PCK1: variants seen among roughly 807,000 people sequenced by gnomAD.
PCK1 encodes the protein phosphoenolpyruvate carboxykinase, cytosolic [GTP].
PCK1 carries 44 observed loss-of-function variants against 50.3 expected under a neutral mutation model. The observed-to-expected ratio is 0.87, with a 90% confidence interval of 0.69 to 1.12. The LOEUF (loss-of-function observed/expected upper bound fraction) is 1.12. Ranked by LOEUF, PCK1 falls within the 50% of genes most tolerant of loss-of-function variation. The probability of loss-of-function intolerance (pLI) is 0.00; values close to 1 mark genes in which losing one functional copy is unlikely to be tolerated. For missense variants in PCK1, 790 were observed against 815.0 expected (o/e 0.97, Z 0.37); for synonymous variants, 332 against 314.3 (o/e 1.06, Z -0.59).
Position 57,565,479 on chromosome 20 carries a change from A to T in PCK1, c.1544A>T (p.Asn515Ile), listed in dbSNP as rs763861186. 1 of 1,614,106 alleles carries T rather than the reference A, an allele frequency of 6.2e-7. No individual in the cohort carries two copies. The highest frequency in any genetic ancestry group is 8.5e-7 in the Non-Finnish European group (1 of 1,180,038). ...AAKLPKIFHV[N>I]WFRKDKEGKF... is the part of the protein sequence containing the mutation. ...AAACTGCCCAAGATCTTCCATGTCA[A>T]CTGGTTCCGGAAGGACAAGGAAGGC... Residue 515 changes from asparagine to isoleucine, a missense_variant, in exon 10 of 10, where the codon AAC (asparagine) becomes ATC (isoleucine). By Grantham distance (149) the Asn-to-Ile change is moderately radical. Transcript: ENST00000319441.
rs879420431 is a variant in PCK1, at chr20:57,565,258, G to A, written c.1415-92G>A. ...AGAGAGAGAGAGAGAAAGAGAGAGA[G>A]GAGAACAAAGCATGCTAATGTCAAC... is the stretch of plus-strand genomic sequence containing the variant. On this transcript the variant is annotated intron_variant, in intron 9 of 9. Transcript: ENST00000319441. 4.3e-5 allele frequency: 56 copies of A among 1,309,508 alleles called. No homozygotes were observed. The African/African-American group carries it at 7.3e-4, about 17-fold the overall frequency. 81.1% of individuals were successfully genotyped at this position (1,309,508 alleles called of 1,614,324 possible).
intron 5 of PCK1, 161 bp downstream of exon 5, chr20:57,563,376 C>T (rs979619714): frequency 3.7e-5 from 27 of 723,200 alleles, no homozygotes; most frequent in Middle Eastern, 3.9e-4. Flanking sequence ...ACATATACAT[C>T]GCTTTTGAAG....
Position 57,562,133 on chromosome 20 carries a change from C to T in PCK1, c.287C>T (p.Thr96Ile), listed in dbSNP as rs776407163. Residue 96 changes from threonine to isoleucine, a missense_variant, in exon 3 of 10, where the codon ACC (threonine) becomes ATC (isoleucine). Physicochemically the swap from Thr to Ile is moderately conservative, Grantham distance 89. Coordinates refer to ENST00000319441, the MANE Select transcript of PCK1 (RefSeq NM_002591.4). Reference sequence around the variant, plus strand: ...ATCGAAAGCAAGACGGTTATCGTCACCCAAGAGCAAAGAGACACAGTGCCC... The same window carrying T: ...ATCGAAAGCAAGACGGTTATCGTCATCCAAGAGCAAAGAGACACAGTGCCC... ...ARIESKTVIV[T>I]QEQRDTVPIP... is the part of the protein sequence containing the mutation. 6 of 1,614,024 alleles carry T rather than the reference C, an allele frequency of 3.7e-6. No individual in the cohort carries two copies. The African/African-American group carries it at 5.3e-5, about 14-fold the overall frequency.
chr20:57,562,980 C>T (rs766148653), intron 4 of PCK1, 48 bp from the exon 5 acceptor site: 22 of 1,587,492 alleles, frequency 1.4e-5, no homozygotes, highest in South Asian at 5.6e-5. Flanking sequence ...TCGGGGACCC[C>T]CAAGCAGGGC....
intron 2 of PCK1, 122 bp downstream of exon 2, chr20:57,561,757 G>T: frequency 1.4e-6 from 1 of 692,662 alleles, no homozygotes; most frequent in South Asian, 1.7e-5. Context: ...TTGAGAAGAT[G>T]AATGCAATGG....
chr20:57,565,295 T>A, intron 9 of PCK1, 55 bp from the exon 10 acceptor site: 1 of 1,444,670 alleles, frequency 6.9e-7, no homozygotes, highest in South Asian at 1.2e-5. Context: ...ATCAATGGCG[T>A]CAGTCTTGCC....
At chr20:57,564,033 A>G (rs562275135) in intron 6 of PCK1, 136 bp from the exon 7 acceptor site, 2 of 663,344 alleles carry the variant, frequency 3.0e-6, no homozygotes, top group Admixed American at 5.8e-5. Context: ...CTTGGATGAA[A>G]AGAGATAAAT....
chr20:57,562,764 G>A lies in PCK1; in HGVS notation c.475G>A (p.Glu159Lys), dbSNP rs778493492. The change falls in exon 4 of 10, where the codon GAG (glutamate) becomes AAG (lysine). Residue 159 changes from glutamate to lysine, a missense_variant. Transcript: ENST00000319441. ...CTCGCCTCTGTCAAAGATCGGCATCGAGCTGACGGATTCACCCTACGTGGT... is the reference window on the plus strand; with the variant it reads ...CTCGCCTCTGTCAAAGATCGGCATCAAGCTGACGGATTCACCCTACGTGGT... The part of the protein sequence containing the change: ...LGSPLSKIGI[E>K]LTDSPYVVAS... 1.8e-5 allele frequency: 29 copies of A among 1,613,960 alleles called. No homozygotes were observed. The highest frequency in any genetic ancestry group is 3.3e-5 in the Admixed American group (2 of 60,000).
In PCK1 at chr20:57,566,584, A is replaced by AG. The variant is rs1568911392; in HGVS notation, c.*785dup. 1 of 152,142 alleles carries AG rather than the reference A, an allele frequency of 6.6e-6. No individual in the cohort carries two copies. The highest frequency in any genetic ancestry group is 1.5e-5 in the Non-Finnish European group (1 of 68,028). The allele number at this position is 152,142 out of a possible 1,614,324, so 9.4% of individuals were successfully genotyped here. A position where few individuals can be genotyped will look rare whatever the true frequency, so the allele number is the denominator to read the frequency against. On this transcript the variant is annotated 3_prime_UTR_variant, in exon 10 of 10. Transcript: ENST00000319441. ...GGGACGTTCAGAATCACACTTGAAG[A>AG]GGGGGTGCATTGCCTGGTCCCAGGG... is the stretch of plus-strand genomic sequence containing the variant.
chr20:57,563,753 G>A, intron 6 of PCK1, 26 bp downstream of exon 6: 2 of 1,571,558 alleles, frequency 1.3e-6, no homozygotes, highest in East Asian at 2.3e-5. Flanking sequence ...CCAACTCTTG[G>A]TAACGATTGG....
Position 57,562,997 on chromosome 20 carries a change from G to T in PCK1, c.611-31G>T, listed in dbSNP as rs537628761. The T allele has an allele frequency of 3.8e-6, 6 of 1,598,606 alleles. No homozygotes were observed. The African/African-American group carries it at 4.0e-5, about 11-fold the overall frequency. On this transcript the variant is annotated intron_variant, in intron 4 of 9. Transcript: ENST00000319441. ...GGGGACCCCCAAGCAGGGCCCTGGCGCACTGACTTGGGAGGGGTCCTTGTT... is the reference window on the plus strand; with the variant it reads ...GGGGACCCCCAAGCAGGGCCCTGGCTCACTGACTTGGGAGGGGTCCTTGTT...
At position 57,565,383 on chromosome 20, in the gene PCK1, G is replaced by A. The variant is rs41302559; in HGVS notation, c.1448G>A (p.Arg483Gln). The change falls in exon 10 of 10, where the codon CGG (arginine) becomes CAG (glutamine). Residue 483 changes from arginine (R) to glutamine (Q), a missense_variant. Physicochemically the swap from Arg to Gln is conservative, Grantham distance 43 (BLOSUM62 1). Coordinates refer to ENST00000319441, the MANE Select transcript of PCK1 (RefSeq NM_002591.4). The stretch of plus-strand genomic sequence containing the variant: ...ATCATGCATGACCCCTTTGCCATGC[G>A]GCCCTTCTTTGGCTACAACTTCGGC... Reference protein sequence around the residue: ...KIIMHDPFAMRPFFGYNFGKY... With the variant: ...KIIMHDPFAMQPFFGYNFGKY... 3,423 of 1,614,150 alleles carry A rather than the reference G, an allele frequency of 2.1e-3. 1 individual carries two copies. Among genetic ancestry groups the A allele is most frequent in the Non-Finnish European group, 2.5e-3 (2,925 of 1,179,990 alleles).
chr20:57,564,300 G>T lies in PCK1; in HGVS notation c.1093G>T (p.Asp365Tyr). 6.2e-7 allele frequency: 1 copy of T among 1,614,108 alleles called. No individual in the cohort carries two copies. The highest frequency in any genetic ancestry group is 8.5e-7 in the Non-Finnish European group (1 of 1,179,986). ...CTTTACCAATGTGGCCGAGACCAGC[G>T]ACGGGGGCGTTTACTGGGAAGGCAT... is the stretch of plus-strand genomic sequence containing the variant. ...TIFTNVAETSDGGVYWEGIDE... is the reference protein window; with the variant it reads ...TIFTNVAETSYGGVYWEGIDE... The change falls in exon 7 of 10, where the codon GAC becomes TAC. Residue 365 changes from aspartate (D) to tyrosine (Y), a missense_variant. Physicochemically the swap from Asp to Tyr is radical, Grantham distance 160 (BLOSUM62 -3). Coordinates refer to ENST00000319441, the MANE Select transcript of PCK1 (RefSeq NM_002591.4).
chr20:57,561,689 C>T (rs781035632), intron 2 of PCK1, 54 bp downstream of exon 2: 4 of 1,251,808 alleles, frequency 3.2e-6, no homozygotes, highest in South Asian at 1.2e-5. Flanking sequence ...GGCTCCCCTG[C>T]GTCTCCTGGG....
chr20:57,564,436 C>T lies in PCK1; in HGVS notation c.1186+43C>T, dbSNP rs771632056. ...GCCTTGGTGTGCCGGGCTGCAGGGA[C>T]TGCCTGTTTGAGCCAGGCACTCACG... On this transcript the variant is annotated intron_variant, in intron 7 of 9. Transcript: ENST00000319441. 5 of 1,613,858 alleles carry T rather than the reference C, an allele frequency of 3.1e-6. No homozygotes were observed. The Admixed American group carries it at 8.3e-5, about 27-fold the overall frequency.
Position 57,562,918 on chromosome 20 carries a change from A to C in PCK1, c.610+19A>C. 1.3e-6 allele frequency: 2 copies of C among 1,594,428 alleles called. No homozygotes were observed. The highest frequency in any genetic ancestry group is 1.7e-6 in the Non-Finnish European group (2 of 1,163,320). ...TTACAAAGTAAGTGTATTATTTCAG[A>C]ATCAAAAGTCAAAATAAAAAAGAAA... is the stretch of plus-strand genomic sequence containing the variant. On this transcript the variant is annotated intron_variant, in intron 4 of 9. Transcript: ENST00000319441.
rs751245144 is a variant in PCK1, at chr20:57,561,401, AC to A, written c.-10del. On this transcript the variant is annotated 5_prime_UTR_variant, in exon 2 of 10. Coordinates refer to ENST00000319441, the MANE Select transcript of PCK1 (RefSeq NM_002591.4). The stretch of plus-strand genomic sequence containing the variant: ...CCTCACATTCGTGCCCCTTAGCAGC[AC>A]TCTGCAGAAATGCCTCCTCAGCTGC... 6.3e-7 allele frequency: 1 copy of A among 1,595,608 alleles called. No individual in the cohort carries two copies. Among genetic ancestry groups the A allele is most frequent in the African/African-American group, 1.3e-5 (1 of 74,556 alleles).
chr20:57,565,228 TGG>T, intron 9 of PCK1, 93 bp downstream of exon 9: 2 of 1,274,830 alleles, frequency 1.6e-6, no homozygotes, highest in Non-Finnish European at 2.3e-6. Flanking sequence ...TGTCTGTGTG[TGG>T]GGAGAGAGAG....
In PCK1 at chr20:57,562,689, C is replaced by A; in HGVS notation, c.407-7C>A. 1 of 1,611,738 alleles carries A rather than the reference C, an allele frequency of 6.2e-7. No individual in the cohort carries two copies. ...TCTCACCAGTGCCCACCCATCGCAC[C>A]CTGTAGGTCGCACCATGTACGTCAT... On this transcript the variant is annotated splice_polypyrimidine_tract_variant and splice_region_variant and intron_variant, in intron 3 of 9. Coordinates refer to ENST00000319441, the MANE Select transcript of PCK1 (RefSeq NM_002591.4).
Sources: allele counts gnomAD v4.1 joint callset, GRCh38; gene constraint gnomAD v4.1.1; transcripts MANE v1.5; gene names NCBI Gene and HGNC (gene_info 2026-07-23, HGNC 2026-07-21).